EML1: variants seen among roughly 807,000 people sequenced by gnomAD.
The protein encoded by EML1 is echinoderm microtubule-associated protein-like 1.
Under a neutral mutation model 110.4 loss-of-function variants are expected in EML1, and 27 were observed. The observed-to-expected ratio is 0.24, with a 90% confidence interval of 0.18 to 0.34. The LOEUF is 0.34. EML1 is among the 10% of genes least tolerant of loss of function. The pLI, the probability that EML1 is intolerant of heterozygous loss-of-function variation, is 1.00. For synonymous variants in EML1, 344 were observed against 385.8 expected (o/e 0.89, Z 1.27); for missense variants, 741 against 1,030.9 (o/e 0.72, Z 3.85).
intron 13 of EML1, among the ~76,000 whole-genome samples, chr14:99,913,164 G>GTTATA (rs1555403946): frequency 0.2 from 20,424 of 100,494 alleles, 1,588 homozygotes; most frequent in African/African-American, 0.39. Context: ...TTATGGCAGT[G>GTTATA]TTATTATTAT....
intron 1 of EML1, among the ~76,000 whole-genome samples, chr14:99,824,458 C>T (rs1001914180): frequency 1.3e-5 from 2 of 150,932 alleles, no homozygotes; most frequent in African/African-American, 2.4e-5. Flanking sequence ...TAATTGGCCT[C>T]GGAAATGCAA....
chr14:99,920,764 G>C lies in EML1; in HGVS notation c.1821-25G>C, dbSNP rs151142461. The C allele has an allele frequency of 3.4e-4, 543 of 1,584,956 alleles. 7 individuals carry two copies. In the East Asian group the frequency reaches 0.012, roughly 35 times the overall value. On this transcript the variant is annotated intron_variant, in intron 16 of 21. Transcript: ENST00000262233. Reference sequence around the variant, plus strand: ...TCATTTTCTTATTAAACAACTTACTGTGCTTTTTCTCATGTTGATAACAGG... The same window carrying C: ...TCATTTTCTTATTAAACAACTTACTCTGCTTTTTCTCATGTTGATAACAGG...
At position 99,869,486 on chromosome 14, in the gene EML1, T is replaced by C. The variant is rs564514003; in HGVS notation, c.383+3840T>C. On this transcript the variant is annotated intron_variant, in intron 3 of 21. Transcript: ENST00000262233. ...CTCCCTTTTCCCTGAGACACAACAA[T>C]ATTGAAATAAGGCCATTTAGTAACC... Among the ~76,000 whole-genome samples, 4 of 152,284 alleles carry C rather than the reference T, an allele frequency of 2.6e-5. No homozygotes were observed. In the East Asian group the frequency reaches 5.8e-4, roughly 22 times the overall value.
intron 1 of EML1, among the ~76,000 whole-genome samples, chr14:99,844,542 ATTACT>A (rs1329715255): frequency 2.1e-5 from 3 of 141,104 alleles, no homozygotes; most frequent in South Asian, 2.2e-4. Context: ...TGCTCATAAA[ATTACT>A]TTATTTTATA....
At chr14:99,748,552 T>G (rs1025152221) in intron 1 of EML1, among the ~76,000 whole-genome samples, 5 of 152,174 alleles carry the variant, frequency 3.3e-5, no homozygotes, top group African/African-American at 1.2e-4. Flanking sequence ...GAGGATCCCT[T>G]GAGTCCAGGA....
Position 99,890,029 on chromosome 14 carries a change from C to T in EML1, c.519-1170C>T, listed in dbSNP as rs181224686. ...TAATATAGAATATTACTTACTACAT[C>T]TTGGGATTAAGGATAGTTTTTATTC... On this transcript the variant is annotated intron_variant, in intron 4 of 21. Transcript: ENST00000262233. 3.4e-4 allele frequency among the ~76,000 whole-genome samples: 52 copies of T among 152,240 alleles called. No individual in the cohort carries two copies. The East Asian group carries it at 6.4e-3, about 19-fold the overall frequency.
Position 99,939,945 on chromosome 14 carries a change from C to T in EML1, c.2323-42C>T, listed in dbSNP as rs2060557239. The T allele has an allele frequency of 1.3e-6, 2 of 1,495,072 alleles. No homozygotes were observed. The highest frequency in any genetic ancestry group is 4.8e-5 in the East Asian group (2 of 41,250). The allele number at this position is 1,495,072 out of a possible 1,614,324, so 92.6% of individuals were successfully genotyped here. A position where few individuals can be genotyped will look rare whatever the true frequency, so the allele number is the denominator to read the frequency against. ...GCACTTTCCCATCCCAGATGGTTCGCCTTGTAGTAAAGGAAGCTTTCCCCC... is the reference window on the plus strand; with the variant it reads ...GCACTTTCCCATCCCAGATGGTTCGTCTTGTAGTAAAGGAAGCTTTCCCCC... On this transcript the variant is annotated intron_variant, in intron 21 of 21. Coordinates refer to ENST00000262233, the MANE Select transcript of EML1 (RefSeq NM_004434.3). The surrounding 1 kb of genome is among the most constrained non-coding windows in gnomAD (Gnocchi z 4.2).
intron 1 of EML1, among the ~76,000 whole-genome samples, chr14:99,808,369 A>G (rs142876102): frequency 6.6e-6 from 1 of 152,350 alleles, no homozygotes; most frequent in African/African-American, 2.4e-5. Flanking sequence ...ATAAGAGACA[A>G]GGAGAGAACT....
intron 1 of EML1, among the ~76,000 whole-genome samples, chr14:99,806,832 T>TA (rs149297570): frequency 0.014 from 2,095 of 152,234 alleles, 48 homozygotes; most frequent in African/African-American, 0.048. Context: ...GGAAAAAATT[T>TA]AGAGCTGTTT....
At chr14:99,868,358 A>C (rs1447145001) in intron 3 of EML1, among the ~76,000 whole-genome samples, 1 of 152,088 alleles carries the variant, frequency 6.6e-6, no homozygotes, top group Non-Finnish European at 1.5e-5. Context: ...CCTCCTCCTC[A>C]ATTCTTTGGA....
intron 13 of EML1, among the ~76,000 whole-genome samples, chr14:99,913,425 C>T (rs1266702502): frequency 3.9e-5 from 6 of 152,118 alleles, no homozygotes; most frequent in Middle Eastern, 6.3e-3. Context: ...AATCCACCTA[C>T]CTCGGCCCCC....
rs2057706140 is a variant in EML1 at position 99,793,424 on chromosome 14, A to AGCG, written c.-43_-41dup. On this transcript the variant is annotated 5_prime_UTR_variant, in exon 1 of 22. Coordinates refer to ENST00000262233, the MANE Select transcript of EML1 (RefSeq NM_004434.3). ...GTCGGGCTCAGCTCAGTGTGTGGTG[A>AGCG]GCGGCGGCGGCGCGGCCGGGCCGGG... is the stretch of plus-strand genomic sequence containing the variant. The AGCG allele has an allele frequency of 2.9e-6, 3 of 1,024,044 alleles. No homozygotes were observed. The highest frequency in any genetic ancestry group is 3.5e-6 in the Non-Finnish European group (3 of 856,362). The allele number at this position is 1,024,044 out of a possible 1,614,324, so 63.4% of individuals were successfully genotyped here.
intron 2 of EML1, among the ~76,000 whole-genome samples, chr14:99,851,607 G>A (rs887793169): frequency 9.9e-5 from 15 of 152,094 alleles, no homozygotes; most frequent in African/African-American, 3.1e-4. Context: ...GCGCCCGGCC[G>A]AGAACAGTTC....
At chr14:99,794,973 A>G (rs1325109897) in intron 1 of EML1, among the ~76,000 whole-genome samples, 1 of 152,174 alleles carries the variant, frequency 6.6e-6, no homozygotes, top group Non-Finnish European at 1.5e-5. Context: ...ATCATATTTG[A>G]ATTATTGTTT....
chr14:99,800,145 T>C (rs1019026589), intron 1 of EML1, among the ~76,000 whole-genome samples: 2 of 152,198 alleles, frequency 1.3e-5, no homozygotes, highest in African/African-American at 4.8e-5. Flanking sequence ...ATACCACCCG[T>C]CACCCCCAGC....
At chr14:99,811,640 CAAAAAAA>C (rs71113224) in intron 1 of EML1, among the ~76,000 whole-genome samples, 10 of 120,012 alleles carry the variant, frequency 8.3e-5, no homozygotes, top group Non-Finnish European at 6.8e-5. Context: ...CTGTCTCTAC[CAAAAAAA>C]AAAAAAAAAA....
At chr14:99,779,811 C>T (rs1440826119) in intron 1 of EML1, among the ~76,000 whole-genome samples, 1 of 152,204 alleles carries the variant, frequency 6.6e-6, no homozygotes, top group African/African-American at 2.4e-5. Context: ...CTCTGGTATG[C>T]CTTTGTGTAG....
At position 99,937,883 on chromosome 14, in the gene EML1, A is replaced by G; in HGVS notation, c.2162A>G (p.Tyr721Cys). The G allele has an allele frequency of 1.5e-5, 25 of 1,614,156 alleles. No homozygotes were observed. The highest frequency in any genetic ancestry group is 2.1e-5 in the Non-Finnish European group (25 of 1,179,978). The part of the protein sequence containing the change: ...ETTRDIEWAT[Y>C]TCTLGFHVFG... ...ACAAGAGACATTGAATGGGCTACCT[A>G]TACCTGCACTTTGGGATTCCATGTT... is the stretch of plus-strand genomic sequence containing the variant. Residue 721 changes from tyrosine to cysteine, a missense_variant, in exon 20 of 22, where the codon TAT (tyrosine) becomes TGT (cysteine). Tyr to Cys is a radical substitution (Grantham distance 194). Transcript: ENST00000262233.
At chr14:99,821,030 T>A (rs964158060) in intron 1 of EML1, among the ~76,000 whole-genome samples, 7 of 151,336 alleles carry the variant, frequency 4.6e-5, no homozygotes, top group African/African-American at 1.7e-4. Context: ...TTACTTTTTT[T>A]TTTTTTTTTT....
Sources: allele counts gnomAD v4.1 joint callset (sites outside exome capture counted in the v4.1 genomes callset), GRCh38; gene constraint gnomAD v4.1.1; non-coding constraint Gnocchi (gnomAD v3.1); transcripts MANE v1.5; gene names NCBI Gene and HGNC (gene_info 2026-07-23, HGNC 2026-07-21).